The following SLC35F3 variants were observed in gnomAD, a reference collection of about 807,000 sequenced individuals.
SLC35F3 encodes solute carrier family 35 member F3.
In SLC35F3, 25 loss-of-function variants were observed where a neutral mutation model predicts 49.9. The ratio of observed to expected loss-of-function variants is 0.50; its 90% CI spans 0.37 to 0.70. SLC35F3 has a LOEUF of 0.70. SLC35F3 is among the 30% of genes least tolerant of loss of function. The pLI is 0.00. For missense variants in SLC35F3, 525 were observed against 639.8 expected (o/e 0.82, Z 1.94); for synonymous variants, 275 against 265.4 (o/e 1.04, Z -0.35).
chr1:234,102,848 A>G (rs552615783), intron 2 of SLC35F3, among the ~76,000 whole-genome samples: 1 of 152,354 alleles, frequency 6.6e-6, no homozygotes, highest in Non-Finnish European at 1.5e-5. Context: ...CAGGAAACAC[A>G]CACAGATGGC....
At chr1:234,289,236 G>C (rs538350149) in intron 3 of SLC35F3, among the ~76,000 whole-genome samples, 1 of 152,166 alleles carries the variant, frequency 6.6e-6, no homozygotes, top group African/African-American at 2.4e-5. Flanking sequence ...ACATTGGCTT[G>C]AGAAATTCTG....
intron 2 of SLC35F3, among the ~76,000 whole-genome samples, chr1:233,920,296 G>A (rs1341536700): frequency 6.6e-6 from 1 of 152,228 alleles, no homozygotes; most frequent in Non-Finnish European, 1.5e-5. Context: ...CAATTGATTG[G>A]TTTCAGAATG....
chr1:234,063,573 A>G (rs1664575525), intron 2 of SLC35F3, among the ~76,000 whole-genome samples: 1 of 151,980 alleles, frequency 6.6e-6, no homozygotes, highest in Non-Finnish European at 1.5e-5. Flanking sequence ...CCCCCAATAA[A>G]ACTTGTTTAA....
intron 2 of SLC35F3, among the ~76,000 whole-genome samples, chr1:233,971,579 C>CGTG (rs1432323893): frequency 6.6e-6 from 1 of 151,964 alleles, no homozygotes; most frequent in Non-Finnish European, 1.5e-5. Context: ...AATTAGCCAG[C>CGTG]GTGGTGGTGG....
At chr1:234,028,568 C>G (rs1042623202) in intron 2 of SLC35F3, among the ~76,000 whole-genome samples, 3 of 152,116 alleles carry the variant, frequency 2.0e-5, no homozygotes, top group Non-Finnish European at 4.4e-5. Flanking sequence ...AAGCATAGCT[C>G]CCTGTCCATA....
chr1:234,298,671 A>C (rs1668644917), intron 3 of SLC35F3, among the ~76,000 whole-genome samples: 1 of 152,164 alleles, frequency 6.6e-6, no homozygotes, highest in Non-Finnish European at 1.5e-5. Flanking sequence ...GGGCCCAGGA[A>C]TGATCAATTT....
chr1:234,094,152 A>T (rs1218504444), intron 2 of SLC35F3, among the ~76,000 whole-genome samples: 1 of 152,214 alleles, frequency 6.6e-6, no homozygotes, highest in African/African-American at 2.4e-5. Flanking sequence ...CTGGGGACTC[A>T]GCCGCTGCCC....
At chr1:233,990,042 T>C (rs1327997829) in intron 2 of SLC35F3, among the ~76,000 whole-genome samples, 9 of 152,198 alleles carry the variant, frequency 5.9e-5, no homozygotes, top group African/African-American at 7.2e-5. Context: ...TATCATAAAC[T>C]AGCAAACCAA....
At chr1:233,953,849 A>C (rs1219677575) in intron 2 of SLC35F3, among the ~76,000 whole-genome samples, 1 of 152,188 alleles carries the variant, frequency 6.6e-6, no homozygotes, top group East Asian at 1.9e-4. Context: ...TGCAGCATCA[A>C]AAAGGAAAAG....
chr1:234,170,738 G>A (rs1344583188), intron 2 of SLC35F3, among the ~76,000 whole-genome samples: 1 of 152,194 alleles, frequency 6.6e-6, no homozygotes, highest in East Asian at 1.9e-4. Context: ...AGGTGACCAG[G>A]TTACCTAACT....
At chr1:234,310,974 ATTGGT>A (rs1657340435) in intron 4 of SLC35F3, among the ~76,000 whole-genome samples, 1 of 151,954 alleles carries the variant, frequency 6.6e-6, no homozygotes, top group African/African-American at 2.4e-5. Flanking sequence ...TGGCCACTTG[ATTGGT>A]TTGGTCTGTT....
Position 234,214,075 on chromosome 1 carries a change from A to T in SLC35F3, c.284-17342A>T. ...CGCTGGTCCTTTTAAAGGGCTTCTC[A>T]GAGAGGTGGTGGCCAGAGGCTGCAG... On this transcript the variant is annotated intron_variant, in intron 2 of 7. Coordinates refer to ENST00000366618, the MANE Select transcript of SLC35F3 (RefSeq NM_173508.4). This position sits in a 1 kb window ranked among gnomAD's most constrained non-coding sequence, Gnocchi z 8.0. 1.5e-6 allele frequency: 1 copy of T among 645,270 alleles called. No homozygotes were observed. The highest frequency in any genetic ancestry group is 1.2e-4 in the East Asian group (1 of 8,164). 40.0% of individuals were successfully genotyped at this position (645,270 alleles called of 1,614,324 possible).
intron 2 of SLC35F3, among the ~76,000 whole-genome samples, chr1:234,189,876 G>A (rs932020374): frequency 3.3e-5 from 5 of 152,312 alleles, no homozygotes; most frequent in African/African-American, 1.2e-4. Context: ...TTTCTCAACA[G>A]AAACCATACA....
chr1:233,956,922 A>G (rs1449274191), intron 2 of SLC35F3, among the ~76,000 whole-genome samples: 1 of 152,236 alleles, frequency 6.6e-6, no homozygotes, highest in African/African-American at 2.4e-5. Context: ...AATGCCAGAA[A>G]AAGGATAGGG....
At chr1:234,169,087 A>AC (rs1666359965) in intron 2 of SLC35F3, among the ~76,000 whole-genome samples, 1 of 152,156 alleles carries the variant, frequency 6.6e-6, no homozygotes, top group South Asian at 2.1e-4. Flanking sequence ...GAGAATCAGG[A>AC]CCCCCAGTGG....
chr1:234,264,822 G>A (rs1435221495), intron 3 of SLC35F3, among the ~76,000 whole-genome samples: 4 of 152,196 alleles, frequency 2.6e-5, no homozygotes, highest in Non-Finnish European at 5.9e-5. Flanking sequence ...TGAGTAGCCA[G>A]GACTACAGGC....
intron 2 of SLC35F3, among the ~76,000 whole-genome samples, chr1:234,202,263 G>A (rs1401378686): frequency 6.6e-6 from 1 of 151,898 alleles, no homozygotes; most frequent in Non-Finnish European, 1.5e-5. Context: ...AGTGGGGGTG[G>A]GAAATAGAAA....
chr1:234,228,371 A>G (rs1667319320), intron 2 of SLC35F3, among the ~76,000 whole-genome samples: 1 of 152,234 alleles, frequency 6.6e-6, no homozygotes, highest in Non-Finnish European at 1.5e-5. Flanking sequence ...AATTCCTGTT[A>G]TATAGTCAGA....
At chr1:234,041,400 C>G (rs1297037227) in intron 2 of SLC35F3, among the ~76,000 whole-genome samples, 1 of 152,110 alleles carries the variant, frequency 6.6e-6, no homozygotes, top group Non-Finnish European at 1.5e-5. Flanking sequence ...CTTTCCAGAC[C>G]TGAAATTGAT....
Sources: gnomAD v4.1 joint callset for allele counts (sites outside exome capture counted in the v4.1 genomes callset) on GRCh38, gnomAD v4.1.1 for gene constraint, Gnocchi (gnomAD v3.1) non-coding constraint, MANE v1.5 for transcripts, NCBI Gene and HGNC (gene_info 2026-07-23, HGNC 2026-07-21) for gene names.